PCDHA9: variants seen among roughly 807,000 people sequenced by gnomAD.
PCDHA9 encodes protocadherin alpha-9.
A neutral mutation model predicts 62.0 loss-of-function variants in PCDHA9; 62 were observed. That is an observed-to-expected ratio of 1.00 (90% CI 0.81 to 1.23). The LOEUF is 1.23. Among genes scored for constraint, PCDHA9 ranks in the 50% most tolerant of loss-of-function variants. PCDHA9 has a pLI of 0.00. For synonymous variants in PCDHA9, 557 were observed against 567.6 expected (o/e 0.98, Z 0.27); for missense variants, 1,205 against 1,249.8 (o/e 0.96, Z 0.54).
At chr5:140,896,022 GC>G (rs2065315462) in intron 1 of PCDHA9, among the ~76,000 whole-genome samples, 3 of 152,138 alleles carry the variant, frequency 2.0e-5, no homozygotes, top group Admixed American at 1.3e-4. Context: ...TGTTGGCCAG[GC>G]TGGTCTCGAA....
chr5:140,884,014 G>T, intron 1 of PCDHA9: 2 of 1,613,168 alleles, frequency 1.2e-6, no homozygotes, highest in Non-Finnish European at 1.7e-6. Context: ...AGCTGATGCC[G>T]CGGTCGGTGG....
chr5:141,010,063 G>C lies in PCDHA9; in HGVS notation c.*126G>C, dbSNP rs1393265789. ...CTCTTAGAGACCTCAGAAATCTGCA[G>C]AAAGTTCCCTGTGTCTGTCTAGAAC... On this transcript the variant is annotated 3_prime_UTR_variant, in exon 4 of 4. Transcript: ENST00000532602. 31 of 1,602,790 alleles carry C rather than the reference G, an allele frequency of 1.9e-5. No individual in the cohort carries two copies. The highest frequency in any genetic ancestry group is 2.6e-5 in the Non-Finnish European group (31 of 1,174,498).
At chr5:140,925,671 A>AATAATAATAATAATAATG (rs1445697337) in intron 1 of PCDHA9, among the ~76,000 whole-genome samples, 3 of 148,150 alleles carry the variant, frequency 2.0e-5, no homozygotes, top group African/African-American at 7.5e-5. Flanking sequence ...TAATAATAAT[A>AATAATAATAATAATAATG]ATAATAAAGC....
At chr5:140,946,631 T>TATATATATAC (rs57893927) in intron 1 of PCDHA9, among the ~76,000 whole-genome samples, 18,480 of 131,524 alleles carry the variant, frequency 0.14, 1,838 homozygotes, top group East Asian at 0.38. Context: ...TATATATATA[T>TATATATATAC]ACAATGGAAT....
At chr5:140,910,523 T>TC (rs2153515069) in intron 1 of PCDHA9, among the ~76,000 whole-genome samples, 1 of 152,338 alleles carries the variant, frequency 6.6e-6, no homozygotes, top group African/African-American at 2.4e-5. Flanking sequence ...ATGCAGGTAC[T>TC]CCCCTCACAA....
At position 140,870,457 on chromosome 5, in the gene PCDHA9, C is replaced by T. The variant is rs2052038650; in HGVS notation, c.2394+19568C>T. 3.1e-6 allele frequency: 5 copies of T among 1,614,110 alleles called. No individual in the cohort carries two copies. Among genetic ancestry groups the T allele is most frequent in the African/African-American group, 1.3e-5 (1 of 74,948 alleles). ...GGTGGCCGACGTGAACGACAATGCG[C>T]CTGCGTTCGCACAGCCCGAGTACAC... On this transcript the variant is annotated intron_variant, in intron 1 of 3. Coordinates refer to ENST00000532602, the MANE Select transcript of PCDHA9 (RefSeq NM_031857.2).
At chr5:140,851,471 A>G in intron 1 of PCDHA9, 5 of 893,550 alleles carry the variant, frequency 5.6e-6, no homozygotes, top group Non-Finnish European at 6.8e-6. Context: ...ATGTCAATAA[A>G]TGTTATAAAC....
At position 140,882,068 on chromosome 5, in the gene PCDHA9, C is replaced by A. The variant is rs1219461637; in HGVS notation, c.2394+31179C>A. 8.4e-6 allele frequency: 7 copies of A among 837,710 alleles called. No homozygotes were observed. The East Asian group carries it at 1.9e-4, about 22-fold the overall frequency. The allele number at this position is 837,710 out of a possible 1,614,324, so 51.9% of individuals were successfully genotyped here. On this transcript the variant is annotated intron_variant, in intron 1 of 3. Coordinates refer to ENST00000532602, the MANE Select transcript of PCDHA9 (RefSeq NM_031857.2). ...TCATACTTACACTTACACGTTCATG[C>A]GCATGGTGTCGCTCTTCACTGAGAA...
chr5:140,855,933 T>C, intron 1 of PCDHA9: 1 of 1,295,336 alleles, frequency 7.7e-7, no homozygotes, highest in Non-Finnish European at 1.1e-6. Flanking sequence ...AGCGTCATTC[T>C]GAGATCTCAG....
chr5:140,915,205 C>G (rs1554196797), intron 1 of PCDHA9, among the ~76,000 whole-genome samples: 1 of 152,076 alleles, frequency 6.6e-6, no homozygotes, highest in Non-Finnish European at 1.5e-5. Flanking sequence ...TCTTGGCCTC[C>G]CAAAGTGCTG....
At chr5:140,869,729 A>G (rs1554163384) in intron 1 of PCDHA9, 3 of 1,613,398 alleles carry the variant, frequency 1.9e-6, no homozygotes, top group Admixed American at 3.3e-5. Flanking sequence ...CCGGAACTTA[A>G]TTTGCTGCTA....
intron 1 of PCDHA9, chr5:140,969,351 G>T: frequency 6.2e-7 from 1 of 1,612,990 alleles, no homozygotes; most frequent in Non-Finnish European, 8.5e-7. Flanking sequence ...TGGTCAGGGG[G>T]TCTTCTACAA....
In PCDHA9 at chr5:140,927,497, T is replaced by G. The variant is rs199998669; in HGVS notation, c.2395-51452T>G. ...GAACAGCGCGCCACCCACCTGCTGGTGCTTACAGCTCGGGACGGCGGGCTA... is the reference window on the plus strand; with the variant it reads ...GAACAGCGCGCCACCCACCTGCTGGGGCTTACAGCTCGGGACGGCGGGCTA... On this transcript the variant is annotated intron_variant, in intron 1 of 3. Coordinates refer to ENST00000532602, the MANE Select transcript of PCDHA9 (RefSeq NM_031857.2). The G allele has an allele frequency of 2.0e-4, 325 of 1,614,094 alleles. No homozygotes were observed. The highest frequency in any genetic ancestry group is 2.6e-4 in the Non-Finnish European group (305 of 1,180,030).
At chr5:140,902,199 CTT>C (rs1290062929) in intron 1 of PCDHA9, among the ~76,000 whole-genome samples, 2 of 139,232 alleles carry the variant, frequency 1.4e-5, no homozygotes, top group Admixed American at 7.2e-5. Flanking sequence ...CTCTCTCTCT[CTT>C]TCTTTTTTTT....
chr5:141,008,642 T>C (rs1554261860), intron 3 of PCDHA9, among the ~76,000 whole-genome samples: 1 of 152,212 alleles, frequency 6.6e-6, no homozygotes, highest in Non-Finnish European at 1.5e-5. Flanking sequence ...AACAATTTCT[T>C]CTTCTGGAGT....
At position 140,856,397 on chromosome 5, in the gene PCDHA9, C is replaced by T. The variant is rs782776522; in HGVS notation, c.2394+5508C>T. On this transcript the variant is annotated intron_variant, in intron 1 of 3. Coordinates refer to ENST00000532602, the MANE Select transcript of PCDHA9 (RefSeq NM_031857.2). ...CGTGGACAGGCCGCTGCAGGTTTTC[C>T]ATGTGGACGTGGAAGTGAAGGACAT... 3.6e-5 allele frequency: 58 copies of T among 1,598,382 alleles called. 7 individuals carry two copies. In the Admixed American group the frequency reaches 4.9e-4, roughly 13 times the overall value.
At chr5:140,877,178 C>A (rs370071106) in intron 1 of PCDHA9, 34 of 1,613,676 alleles carry the variant, frequency 2.1e-5, no homozygotes, top group Middle Eastern at 1.7e-4. Context: ...CTGGCGACTC[C>A]GGCTGGCAGC....
At chr5:140,963,319 G>T (rs1554226565) in intron 1 of PCDHA9, among the ~76,000 whole-genome samples, 1 of 152,174 alleles carries the variant, frequency 6.6e-6, no homozygotes, top group East Asian at 1.9e-4. Flanking sequence ...GTTTGTATTA[G>T]AATTACACAG....
chr5:140,960,892 G>A (rs1401042931), intron 1 of PCDHA9, among the ~76,000 whole-genome samples: 1 of 152,126 alleles, frequency 6.6e-6, no homozygotes, highest in East Asian at 1.9e-4. Flanking sequence ...AATGAATTTG[G>A]GGCATATCTT....
Sources: allele counts gnomAD v4.1 joint callset (sites outside exome capture counted in the v4.1 genomes callset), GRCh38; gene constraint gnomAD v4.1.1; transcripts MANE v1.5; gene names NCBI Gene and HGNC (gene_info 2026-07-23, HGNC 2026-07-21).